Variants in MYO19 observed in about 807,000 individuals in gnomAD.
MYO19 encodes the protein myosin XIX.
A neutral mutation model predicts 129.2 loss-of-function variants in MYO19; 132 were observed. That is an observed-to-expected ratio of 1.02 (90% CI 0.89 to 1.18). The LOEUF (loss-of-function observed/expected upper bound fraction) is 1.18. Ranked by LOEUF, MYO19 falls within the 50% of genes most tolerant of loss-of-function variation. The pLI, the probability that MYO19 is intolerant of heterozygous loss-of-function variation, is 0.00. For synonymous variants in MYO19, 531 were observed against 477.2 expected (o/e 1.11, Z -1.47); for missense variants, 1,210 against 1,216.7 (o/e 0.99, Z 0.08).
rs2073602614 is a variant in MYO19 at position 36,528,190 on chromosome 17, T to C, written c.25A>G (p.Asn9Asp). Residue 9 changes from asparagine (N) to aspartate (D), a missense_variant, in exon 4 of 26, where the codon AAT (asparagine) becomes GAT (aspartate). Transcript: ENST00000614623. MLQQVNGH[N>D]PGSDGQAREY... is the part of the protein sequence containing the mutation. ...CTGGCTTGGCCATCAGACCCCGGAT[T>C]GTGGCCATTGACCTGGAAGAGATAA... 4 of 1,583,332 alleles carry C rather than the reference T, an allele frequency of 2.5e-6. No individual in the cohort carries two copies. The South Asian group carries it at 4.6e-5, about 18-fold the overall frequency.
rs746624899 is a variant in MYO19, at chr17:36,506,923, C to T, written c.1644+40G>A. The stretch of plus-strand genomic sequence containing the variant: ...TCTGCATAGCAAAGACCCAGCATCT[C>T]GTTTCTCGCAGGCCCCACAGGGCAT... On this transcript the variant is annotated intron_variant, in intron 17 of 25. Transcript: ENST00000614623. The T allele has an allele frequency of 2.9e-5, 44 of 1,509,238 alleles. No homozygotes were observed. The African/African-American group carries it at 3.8e-4, about 13-fold the overall frequency. The allele number at this position is 1,509,238 out of a possible 1,614,324, so 93.5% of individuals were successfully genotyped here.
chr17:36,514,289 G>T (rs2072581649), intron 9 of MYO19, among the ~76,000 whole-genome samples, 157 bp downstream of exon 9: 1 of 152,234 alleles, frequency 6.6e-6, no homozygotes, highest in African/African-American at 2.4e-5. Context: ...GTGTGAGGCA[G>T]AAGTGCTGCA....
Position 36,513,957 on chromosome 17 carries a change from T to A in MYO19, c.721-232A>T, listed in dbSNP as rs538458470. On this transcript the variant is annotated intron_variant, in intron 9 of 25. Transcript: ENST00000614623. The stretch of plus-strand genomic sequence containing the variant: ...TGCTCTAGGGAAACCTGCAGTCTGG[T>A]GAAAAAAGGACAACTCCTGCCCAGG... Among the ~76,000 whole-genome samples the A allele has an allele frequency of 9.7e-4, 148 of 152,128 alleles. No individual in the cohort carries two copies. In the Middle Eastern group the frequency reaches 0.01, roughly 10 times the overall value.
chr17:36,519,397 G>A (rs2073001633), intron 6 of MYO19, among the ~76,000 whole-genome samples: 2 of 152,082 alleles, frequency 1.3e-5, no homozygotes, highest in South Asian at 2.1e-4. Context: ...TGAATGTTAG[G>A]ATGTTATATT....
Position 36,527,992 on chromosome 17 carries a change from G to A in MYO19, c.151+72C>T, listed in dbSNP as rs909604397. The A allele has an allele frequency of 7.7e-6, 12 of 1,559,014 alleles. No homozygotes were observed. In the Admixed American group the frequency reaches 1.8e-4, roughly 23 times the overall value. ...GCCGACCTCCGTCTGACCTGGAGAA[G>A]CTGTGCTGACTACTCTCATTACACC... On this transcript the variant is annotated intron_variant, in intron 4 of 25. Coordinates refer to ENST00000614623, the MANE Select transcript of MYO19 (RefSeq NM_001163735.2).
At position 36,507,858 on chromosome 17, in the gene MYO19, T is replaced by C. The variant is rs747480235; in HGVS notation, c.1298A>G (p.Tyr433Cys). ...DNSLEQLCIN[Y>C]ANEKLQQHFV... ...ATGCTGCTGCAGCTTCTCATTGGCG[T>C]AGTTGATGCACAACTGTTCCAGACT... Residue 433 changes from tyrosine to cysteine, a missense_variant, in exon 15 of 26, where the codon TAC becomes TGC. Coordinates refer to ENST00000614623, the MANE Select transcript of MYO19 (RefSeq NM_001163735.2). 1.2e-6 allele frequency: 2 copies of C among 1,613,784 alleles called. No individual in the cohort carries two copies. The highest frequency in any genetic ancestry group is 1.7e-6 in the Non-Finnish European group (2 of 1,179,738).
chr17:36,541,255 T>G (rs994156623), intron 2 of MYO19, among the ~76,000 whole-genome samples: 2 of 152,232 alleles, frequency 1.3e-5, no homozygotes, highest in African/African-American at 4.8e-5. Context: ...AATTTTAATT[T>G]TACACAATTA....
At position 36,498,280 on chromosome 17, in the gene MYO19, G is replaced by A. The variant is rs758408028; in HGVS notation, c.2743C>T (p.Arg915Ter). 6.5e-5 allele frequency: 104 copies of A among 1,611,822 alleles called. No individual in the cohort carries two copies. Among genetic ancestry groups the A allele is most frequent in the Non-Finnish European group, 8.2e-5 (97 of 1,178,772 alleles). The change falls in exon 25 of 26, where the codon CGA becomes TGA. Residue 915 changes from arginine (R) to a stop codon, truncating the protein, a stop_gained. Coordinates refer to ENST00000614623, the MANE Select transcript of MYO19 (RefSeq NM_001163735.2). LOFTEE classifies it high-confidence loss of function. The part of the protein sequence containing the change: ...AQDQAGVTSI[R>*]ALPQGSIKFH... Reference sequence around the variant, plus strand: ...ACACAACGTACCTGAGGCAGCGCTCGGATGGACGTGACACCAGCCTGGTCT... The same window carrying A: ...ACACAACGTACCTGAGGCAGCGCTCAGATGGACGTGACACCAGCCTGGTCT...
chr17:36,531,665 T>TA (rs910206501), intron 3 of MYO19, among the ~76,000 whole-genome samples: 4 of 152,150 alleles, frequency 2.6e-5, no homozygotes, highest in Non-Finnish European at 5.9e-5. Context: ...GCCCACTTCT[T>TA]ACCTTCAAAC....
rs939732740 is a variant in MYO19 at position 36,503,972 on chromosome 17, T to A, written c.1954A>T (p.Ser652Cys). ...CACCGGATGGGGAAGCCAGCAGCAC[T>A]GATATGGATGGTCTCCACGAGGCCA... ...ACGLVETIHI[S>C]AAGFPIRVSH... is the part of the protein sequence containing the mutation. Residue 652 changes from serine to cysteine, a missense_variant, in exon 20 of 26, where the codon AGT becomes TGT. By Grantham distance (112) the Ser-to-Cys change is moderately radical (BLOSUM62 -1). Coordinates refer to ENST00000614623, the MANE Select transcript of MYO19 (RefSeq NM_001163735.2). 10 of 1,592,910 alleles carry A rather than the reference T, an allele frequency of 6.3e-6. No homozygotes were observed. The highest frequency in any genetic ancestry group is 1.7e-4 in the Middle Eastern group (1 of 6,054).
At chr17:36,514,421 G>A (rs751670002) in intron 9 of MYO19, 25 bp downstream of exon 9, 28 of 1,473,826 alleles carry the variant, frequency 1.9e-5, no homozygotes, top group Non-Finnish European at 1.3e-5. Flanking sequence ...GCATCTGGGG[G>A]GCTGTGGCCC....
rs57765074 is a variant in MYO19 at position 36,512,196 on chromosome 17, A to AACACACACACAC, written c.895-753_895-742dup. On this transcript the variant is annotated intron_variant, in intron 11 of 25. Coordinates refer to ENST00000614623, the MANE Select transcript of MYO19 (RefSeq NM_001163735.2). ...TGAACCTCCATCTCTACTAAAAATAAACACACACACACACACACACACACA... is the reference window on the plus strand; with the variant it reads ...TGAACCTCCATCTCTACTAAAAATAAACACACACACACACACACACACACACACACACACACA... Among the ~76,000 whole-genome samples the AACACACACACAC allele has an allele frequency of 4.9e-3, 677 of 138,190 alleles. 7 individuals are homozygous for AACACACACACAC. The highest frequency in any genetic ancestry group is 8.0e-3 in the African/African-American group (285 of 35,460). The allele number at this position is 138,190 out of a possible 152,430, so 90.7% of individuals were successfully genotyped here.
chr17:36,536,303 G>A (rs1448352846), upstream of MYO19, among the ~76,000 whole-genome samples: 2 of 152,160 alleles, frequency 1.3e-5, no homozygotes, highest in Non-Finnish European at 2.9e-5. Flanking sequence ...CAGTAGGTTT[G>A]GAGAGGCTCT....
chr17:36,518,707 A>G (rs1022548004), intron 6 of MYO19, among the ~76,000 whole-genome samples: 4 of 151,172 alleles, frequency 2.6e-5, no homozygotes, highest in Admixed American at 6.6e-5. Flanking sequence ...ATTTAATCAA[A>G]GGCAATAAAA....
intron 17 of MYO19, 100 bp downstream of exon 17, chr17:36,506,863 A>G (rs1402781375): frequency 5.6e-5 from 76 of 1,362,906 alleles, no homozygotes; most frequent in Non-Finnish European, 6.8e-5. Flanking sequence ...GAGGAGGTTC[A>G]GGAGAGAAAG....
chr17:36,500,808 G>T, intron 23 of MYO19, 22 bp downstream of exon 23: 1 of 1,593,720 alleles, frequency 6.3e-7, no homozygotes. Flanking sequence ...GAGCAGTGCT[G>T]ACAGGTGACC....
chr17:36,526,786 C>G (rs2073494257), intron 5 of MYO19, among the ~76,000 whole-genome samples: 1 of 152,132 alleles, frequency 6.6e-6, no homozygotes, highest in South Asian at 2.1e-4. Flanking sequence ...ACTCGGGAGG[C>G]TGAGGCACAA....
At position 36,503,990 on chromosome 17, in the gene MYO19, C is replaced by T. The variant is rs568837708; in HGVS notation, c.1936G>A (p.Val646Met). The change falls in exon 20 of 26, where the codon GTG becomes ATG. Residue 646 changes from valine (V) to methionine (M), a missense_variant. By Grantham distance (21) the Val-to-Met change is conservative. Transcript: ENST00000614623. ...VLSQLEACGL[V>M]ETIHISAAGF... ...GCAGCACTGATATGGATGGTCTCCA[C>T]GAGGCCACAGGCCTCCAGCTGGCTC... 7.2e-5 allele frequency: 115 copies of T among 1,587,404 alleles called. No individual in the cohort carries two copies. Among genetic ancestry groups the T allele is most frequent in the East Asian group, 3.9e-4 (17 of 43,594 alleles).
In MYO19 at chr17:36,496,270, G is replaced by A. The variant is rs769392431; in HGVS notation, c.2894C>T (p.Ala965Val). The A allele has an allele frequency of 1.2e-6, 2 of 1,613,908 alleles. No homozygotes were observed. Among genetic ancestry groups the A allele is most frequent in the African/African-American group, 1.3e-5 (1 of 74,926 alleles). Residue 965 changes from alanine to valine, a missense_variant, in exon 26 of 26, where the codon GCC (alanine) becomes GTC (valine). Transcript: ENST00000614623. ...CAAGGATCACCCCAGCCCAGTGAAG[G>A]CAGAAGAGGTCACGTGGATCAGCCT... is the stretch of plus-strand genomic sequence containing the variant. Reference protein sequence around the residue: ...RHRLIHVTSSAFTGLG With the variant: ...RHRLIHVTSSVFTGLG
Sources: gnomAD v4.1 joint callset for allele counts (sites outside exome capture counted in the v4.1 genomes callset) on GRCh38, gnomAD v4.1.1 for gene constraint, MANE v1.5 for transcripts, NCBI Gene and HGNC (gene_info 2026-07-23, HGNC 2026-07-21) for gene names.